Variants in ANO3 observed in about 807,000 individuals in gnomAD.
The protein encoded by ANO3 is anoctamin 3, also known as anoctamin-3.
Under a neutral mutation model 144.8 loss-of-function variants are expected in ANO3, and 99 were observed. The ratio of observed to expected loss-of-function variants is 0.68; its 90% CI spans 0.58 to 0.81. ANO3 has a LOEUF of 0.81. Among genes scored for constraint, ANO3 ranks in the 30% least tolerant of loss-of-function variants. The probability of loss-of-function intolerance (pLI) is 0.00; values close to 1 mark genes in which losing one functional copy is unlikely to be tolerated. For synonymous variants in ANO3, 414 were observed against 392.6 expected, an observed-to-expected ratio of 1.05 and a Z score of -0.64; for missense variants, 905 against 1,202.2, an observed-to-expected ratio of 0.75 and a Z score of 3.66.
chr11:26,274,359 T>C (rs1853513238), intron 1 of ANO3, among the ~76,000 whole-genome samples: 1 of 152,154 alleles, frequency 6.6e-6, no homozygotes, highest in Non-Finnish European at 1.5e-5. Context: ...TCATAATATT[T>C]CATCATATAA....
intron 1 of ANO3, among the ~76,000 whole-genome samples, chr11:26,437,103 T>A (rs1565024010): frequency 6.6e-6 from 1 of 152,112 alleles, no homozygotes; most frequent in African/African-American, 2.4e-5. Flanking sequence ...TCCAAGCCAG[T>A]GGGTCTTATC....
intron 1 of ANO3, among the ~76,000 whole-genome samples, chr11:26,272,446 A>T (rs921193505): frequency 6.6e-6 from 1 of 152,198 alleles, no homozygotes; most frequent in Non-Finnish European, 1.5e-5. Context: ...TTAAACTTGT[A>T]AGTGCAGCCT....
intron 14 of ANO3, among the ~76,000 whole-genome samples, chr11:26,584,726 G>T (rs897885070): frequency 7.9e-5 from 12 of 152,134 alleles, no homozygotes; most frequent in Non-Finnish European, 1.8e-4. Flanking sequence ...AACCACCTGG[G>T]CCTTGTTTTC....
chr11:26,488,849 G>A (rs1860578950), intron 4 of ANO3, among the ~76,000 whole-genome samples: 1 of 152,124 alleles, frequency 6.6e-6, no homozygotes, highest in African/African-American at 2.4e-5. Flanking sequence ...TGCTGGCTCG[G>A]GTGGCCAGGT....
intron 1 of ANO3, among the ~76,000 whole-genome samples, chr11:26,424,936 G>A (rs995729578): frequency 4.0e-5 from 6 of 151,852 alleles, no homozygotes; most frequent in Non-Finnish European, 7.4e-5. Context: ...TGTGCACAAC[G>A]TGCAGGTTTT....
intron 14 of ANO3, among the ~76,000 whole-genome samples, chr11:26,586,501 A>ATTTTTTTTTTTTT (rs1281089936): frequency 2.5e-5 from 1 of 40,014 alleles, no homozygotes; most frequent in African/African-American, 8.9e-5. Context: ...CCTGGTGAGA[A>ATTTTTTTTTTTTT]TCTTTTTTTT....
At chr11:26,431,244 C>T (rs1313083235) in intron 1 of ANO3, among the ~76,000 whole-genome samples, 1 of 152,106 alleles carries the variant, frequency 6.6e-6, no homozygotes, top group Admixed American at 6.6e-5. Context: ...TTTTATGAAC[C>T]ATGTAGAACT....
chr11:26,410,566 A>G (rs1395248649), intron 1 of ANO3, among the ~76,000 whole-genome samples: 1 of 151,994 alleles, frequency 6.6e-6, no homozygotes, highest in African/African-American at 2.4e-5. Flanking sequence ...CCCCAAAACA[A>G]TTGTAGAAAC....
chr11:26,234,805 T>C (rs1852479261), intron 1 of ANO3, among the ~76,000 whole-genome samples: 1 of 151,974 alleles, frequency 6.6e-6, no homozygotes, highest in South Asian at 2.1e-4. Context: ...AGATTTATTA[T>C]AAGGAATTGG....
At chr11:26,390,849 A>G (rs1210798201) in intron 1 of ANO3, among the ~76,000 whole-genome samples, 1 of 152,112 alleles carries the variant, frequency 6.6e-6, no homozygotes, top group Admixed American at 6.6e-5. Context: ...GCAAGTGACT[A>G]GTTCTTTTCT....
chr11:26,301,635 G>A (rs969628412), intron 1 of ANO3, among the ~76,000 whole-genome samples: 3 of 152,158 alleles, frequency 2.0e-5, no homozygotes, highest in Non-Finnish European at 4.4e-5. Context: ...TGGAGGGATT[G>A]AGAGATAGGG....
chr11:26,321,306 C>T (rs1260777045), intron 1 of ANO3, among the ~76,000 whole-genome samples: 1 of 152,012 alleles, frequency 6.6e-6, no homozygotes, highest in Non-Finnish European at 1.5e-5. Context: ...ATCCCCTACT[C>T]CCAACCACCT....
intron 4 of ANO3, among the ~76,000 whole-genome samples, chr11:26,482,134 G>T (rs1418028836): frequency 6.6e-6 from 1 of 152,010 alleles, no homozygotes; most frequent in Non-Finnish European, 1.5e-5. Context: ...CTGGGCTCAA[G>T]TGATCCTCCC....
At chr11:26,436,850 G>A (rs541330475) in intron 1 of ANO3, among the ~76,000 whole-genome samples, 9 of 152,090 alleles carry the variant, frequency 5.9e-5, no homozygotes, top group Admixed American at 1.3e-4. Flanking sequence ...AACACTGGCA[G>A]GGGTGGTTAT....
chr11:26,261,099 A>G (rs80127263), intron 1 of ANO3, among the ~76,000 whole-genome samples: 1,547 of 152,288 alleles, frequency 0.01, 28 homozygotes, highest in African/African-American at 0.033. Context: ...ACAAGATGAG[A>G]GAATTTAACT....
At chr11:26,243,386 T>C (rs963607911) in intron 1 of ANO3, among the ~76,000 whole-genome samples, 1 of 151,852 alleles carries the variant, frequency 6.6e-6, no homozygotes, top group Admixed American at 6.6e-5. Flanking sequence ...TTTGCAAGAA[T>C]AGAAGCTTTG....
intron 1 of ANO3, among the ~76,000 whole-genome samples, chr11:26,423,988 TTA>T (rs912397942): frequency 5.9e-5 from 9 of 152,160 alleles, no homozygotes; most frequent in Middle Eastern, 3.4e-3. Context: ...TGTTTTTTTT[TTA>T]ATTTTGGCAA....
intron 10 of ANO3, 108 bp downstream of exon 10, chr11:26,537,569 C>A: frequency 2.1e-6 from 2 of 938,190 alleles, no homozygotes; most frequent in South Asian, 1.3e-5. Flanking sequence ...AGGATTCAGT[C>A]TGCAAGTAGC....
At chr11:26,407,395 A>G (rs965710475) in intron 1 of ANO3, among the ~76,000 whole-genome samples, 4 of 151,622 alleles carry the variant, frequency 2.6e-5, no homozygotes, top group Non-Finnish European at 5.9e-5. Context: ...CTCTGCTTCT[A>G]TATCATTGGA....
Sources: allele counts gnomAD v4.1 joint callset (sites outside exome capture counted in the v4.1 genomes callset), GRCh38; gene constraint gnomAD v4.1.1; transcripts MANE v1.5; gene names NCBI Gene and HGNC (gene_info 2026-07-23, HGNC 2026-07-21).